KCNH5: variants seen among roughly 807,000 people sequenced by gnomAD.
KCNH5 encodes voltage-gated delayed rectifier potassium channel KCNH5.
A neutral mutation model predicts 96.1 loss-of-function variants in KCNH5; 46 were observed. The ratio of observed to expected loss-of-function variants is 0.48; its 90% CI spans 0.38 to 0.61. The LOEUF is 0.61. Among genes scored for constraint, KCNH5 ranks in the 20% least tolerant of loss-of-function variants. The pLI, the probability that KCNH5 is intolerant of heterozygous loss-of-function variation, is 0.00. For missense variants in KCNH5, 907 were observed against 1,225.8 expected (o/e 0.74, Z 3.88); for synonymous variants, 439 against 449.8 (o/e 0.98, Z 0.30).
intron 7 of KCNH5, among the ~76,000 whole-genome samples, chr14:62,937,217 C>A (rs1889701813): frequency 6.6e-6 from 1 of 152,046 alleles, no homozygotes; most frequent in South Asian, 2.1e-4. Context: ...TTCTCTCAAA[C>A]CCTCATGTTT....
intron 7 of KCNH5, among the ~76,000 whole-genome samples, chr14:62,940,657 C>T (rs1278356522): frequency 2.6e-5 from 4 of 152,196 alleles, no homozygotes; most frequent in Non-Finnish European, 5.9e-5. Context: ...TTGATGCCTA[C>T]ATTTTTGCAT....
intron 7 of KCNH5, among the ~76,000 whole-genome samples, chr14:62,946,922 T>G (rs1454945396): frequency 6.6e-6 from 1 of 151,982 alleles, no homozygotes; most frequent in Non-Finnish European, 1.5e-5. Flanking sequence ...ATAGGGATAG[T>G]TGGGGGAAAT....
rs533264349 is a variant in KCNH5 at position 62,984,041 on chromosome 14, T to C, written c.550-2777A>G. Among the ~76,000 whole-genome samples the C allele has an allele frequency of 2.4e-4, 37 of 152,324 alleles. 2 individuals carry two copies. The South Asian group carries it at 7.7e-3, about 32-fold the overall frequency. Reference sequence around the variant, plus strand: ...AAAAATAAGCTTCATCTTTTTCATATGCAAAGCACTACTAATCTTCACTCT... The same window carrying C: ...AAAAATAAGCTTCATCTTTTTCATACGCAAAGCACTACTAATCTTCACTCT... On this transcript the variant is annotated intron_variant, in intron 5 of 10. Transcript: ENST00000322893.
chr14:62,805,487 C>G (rs1566666173), intron 8 of KCNH5, among the ~76,000 whole-genome samples: 2 of 152,172 alleles, frequency 1.3e-5, no homozygotes, highest in Non-Finnish European at 2.9e-5. Flanking sequence ...CCTTCTCCAA[C>G]CTTAGACAGA....
At chr14:63,044,538 T>C (rs1478606894) in intron 1 of KCNH5, among the ~76,000 whole-genome samples, 2 of 152,228 alleles carry the variant, frequency 1.3e-5, no homozygotes, top group Non-Finnish European at 2.9e-5. Flanking sequence ...AGCACCAATT[T>C]GTCCACAGTA....
chr14:62,739,264 C>T (rs1885222270), intron 10 of KCNH5, among the ~76,000 whole-genome samples: 1 of 152,132 alleles, frequency 6.6e-6, no homozygotes, highest in African/African-American at 2.4e-5. Flanking sequence ...TAGAGTCACA[C>T]ACTTTTTTGG....
At chr14:62,989,557 A>C (rs1890772488) in intron 4 of KCNH5, among the ~76,000 whole-genome samples, 1 of 151,998 alleles carries the variant, frequency 6.6e-6, no homozygotes, top group Non-Finnish European at 1.5e-5. Flanking sequence ...ACTCAGTAAA[A>C]GCATTACCTG....
intron 1 of KCNH5, among the ~76,000 whole-genome samples, chr14:63,025,429 A>C (rs1174058017): frequency 6.6e-6 from 1 of 152,110 alleles, no homozygotes; most frequent in Non-Finnish European, 1.5e-5. Flanking sequence ...AAAGAGGTTA[A>C]ATTGACTCTG....
intron 7 of KCNH5, among the ~76,000 whole-genome samples, chr14:62,863,389 CA>C: frequency 6.6e-6 from 1 of 152,218 alleles, no homozygotes; most frequent in East Asian, 1.9e-4. Context: ...AGACAAAAAA[CA>C]AACCATTAAG....
intron 7 of KCNH5, among the ~76,000 whole-genome samples, chr14:62,944,652 T>C (rs1458009016): frequency 6.6e-6 from 1 of 152,158 alleles, no homozygotes; most frequent in East Asian, 1.9e-4. Flanking sequence ...ATATCCAAAT[T>C]TGGTTGACAT....
chr14:63,030,407 T>C (rs1162078331), intron 1 of KCNH5, among the ~76,000 whole-genome samples: 9 of 152,198 alleles, frequency 5.9e-5, no homozygotes, highest in Non-Finnish European at 1.3e-4. Context: ...TTCAAGACTA[T>C]GCAGTATCCT....
At chr14:62,720,842 G>C (rs935275042) in intron 10 of KCNH5, among the ~76,000 whole-genome samples, 1 of 152,170 alleles carries the variant, frequency 6.6e-6, no homozygotes, top group African/African-American at 2.4e-5. Flanking sequence ...AAACTAGAAA[G>C]ACAAGTTATC....
At chr14:63,017,394 A>G (rs59763288) in intron 1 of KCNH5, among the ~76,000 whole-genome samples, 7,188 of 151,990 alleles carry the variant, frequency 0.047, 198 homozygotes, top group East Asian at 0.062. Context: ...TTATATTAAT[A>G]TATTGCTGAC....
At chr14:62,909,267 G>A (rs1184280370) in intron 7 of KCNH5, among the ~76,000 whole-genome samples, 5 of 151,132 alleles carry the variant, frequency 3.3e-5, no homozygotes, top group African/African-American at 1.2e-4. Context: ...GGATGGTCTC[G>A]ATCTCCTGAC....
At chr14:62,884,580 C>G (rs769208124) in intron 7 of KCNH5, among the ~76,000 whole-genome samples, 1 of 152,052 alleles carries the variant, frequency 6.6e-6, no homozygotes, top group Non-Finnish European at 1.5e-5. Flanking sequence ...GAGCTGAGAT[C>G]GCGCCACTGC....
At chr14:62,762,343 G>T (rs959351261) in intron 10 of KCNH5, among the ~76,000 whole-genome samples, 5 of 152,104 alleles carry the variant, frequency 3.3e-5, no homozygotes, top group African/African-American at 1.2e-4. Context: ...ATGCCCACTT[G>T]CAGCACAGCC....
At chr14:63,041,805 A>T (rs770262097) in intron 1 of KCNH5, among the ~76,000 whole-genome samples, 1 of 152,110 alleles carries the variant, frequency 6.6e-6, no homozygotes, top group Non-Finnish European at 1.5e-5. Context: ...AGTCAACTAA[A>T]TAAGGAAAAT....
At chr14:62,893,601 C>G (rs1306236633) in intron 7 of KCNH5, among the ~76,000 whole-genome samples, 1 of 152,014 alleles carries the variant, frequency 6.6e-6, no homozygotes, top group African/African-American at 2.4e-5. Context: ...ACTAAAAATA[C>G]AAAAATTAGC....
intron 4 of KCNH5, among the ~76,000 whole-genome samples, chr14:62,999,898 C>T (rs1397239437): frequency 6.7e-6 from 1 of 149,466 alleles, no homozygotes; most frequent in East Asian, 2.0e-4. Flanking sequence ...AAAAAAAAAA[C>T]CCTAAATATT....
Sources: allele counts gnomAD v4.1 joint callset (sites outside exome capture counted in the v4.1 genomes callset), GRCh38; gene constraint gnomAD v4.1.1; transcripts MANE v1.5; gene names NCBI Gene and HGNC (gene_info 2026-07-23, HGNC 2026-07-21).